ATP6V1H: variants seen among roughly 807,000 people sequenced by gnomAD.
ATP6V1H encodes ATPase H+ transporting V1 subunit H, also known as V-type proton ATPase subunit H.
Under a neutral mutation model 71.7 loss-of-function variants are expected in ATP6V1H, and 39 were observed. The observed-to-expected ratio is 0.54, with a 90% confidence interval of 0.42 to 0.71. The LOEUF (loss-of-function observed/expected upper bound fraction) is 0.71, where lower values mean the gene tolerates loss of function less well. Ranked by LOEUF, ATP6V1H falls within the 30% of genes least tolerant of loss-of-function variation. The pLI is 0.00. For synonymous variants in ATP6V1H, 192 were observed against 199.3 expected, an observed-to-expected ratio of 0.96 and a Z score of 0.31; for missense variants, 509 against 594.9, an observed-to-expected ratio of 0.86 and a Z score of 1.50.
At chr8:53,747,784 C>T (rs993966945) in intron 12 of ATP6V1H, among the ~76,000 whole-genome samples, 1 of 151,982 alleles carries the variant, frequency 6.6e-6, no homozygotes, top group Admixed American at 6.6e-5. Context: ...CTCGTGATTC[C>T]CCCTGCCTCA....
intron 11 of ATP6V1H, among the ~76,000 whole-genome samples, chr8:53,760,506 C>CA (rs1482609734): frequency 1.3e-5 from 2 of 152,310 alleles, no homozygotes; most frequent in Admixed American, 1.3e-4. Flanking sequence ...GGCCCTCTTC[C>CA]AAGTGTACTT....
chr8:53,807,447 A>T (rs1391304227), intron 7 of ATP6V1H, among the ~76,000 whole-genome samples: 1 of 152,170 alleles, frequency 6.6e-6, no homozygotes, highest in Non-Finnish European at 1.5e-5. Context: ...CTTAGAAAAA[A>T]AAAAAACTAA....
intron 12 of ATP6V1H, among the ~76,000 whole-genome samples, chr8:53,746,716 C>T (rs1158155780): frequency 6.6e-6 from 1 of 151,954 alleles, no homozygotes; most frequent in Non-Finnish European, 1.5e-5. Flanking sequence ...TCTCAAGATG[C>T]AATTGAAGCA....
intron 12 of ATP6V1H, among the ~76,000 whole-genome samples, chr8:53,745,643 G>C (rs1807575137): frequency 6.6e-6 from 1 of 150,772 alleles, no homozygotes; most frequent in Non-Finnish European, 1.5e-5. Flanking sequence ...TTGTGCTTAG[G>C]AACATTACAC....
intron 12 of ATP6V1H, among the ~76,000 whole-genome samples, chr8:53,753,406 G>A (rs1246745417): frequency 2.0e-5 from 3 of 152,166 alleles, no homozygotes; most frequent in African/African-American, 7.2e-5. Context: ...TTCTTCTTAG[G>A]GAGAGACAGT....
intron 13 of ATP6V1H, among the ~76,000 whole-genome samples, chr8:53,729,094 C>T (rs977230528): frequency 2.6e-5 from 4 of 152,196 alleles, no homozygotes; most frequent in Admixed American, 1.3e-4. Context: ...AGGGCAGAGG[C>T]TGAAAACCTT....
rs1807492641 is a variant in ATP6V1H at position 53,743,616 on chromosome 8, T to C, written c.1352A>G (p.Asn451Ser). The C allele has an allele frequency of 1.2e-6, 2 of 1,613,868 alleles. No homozygotes were observed. Among genetic ancestry groups the C allele is most frequent in the East Asian group, 2.2e-5 (1 of 44,880 alleles). Reference protein sequence around the residue: ...MHHEDQQVRYNALLAVQKLMV... With the variant: ...MHHEDQQVRYSALLAVQKLMV... ...GAGCTTCTGCACGGCCAGCAGAGCA[T>C]TATAGCGGACCTGCTGGTCTTCATG... The change falls in exon 13 of 14, where the codon AAT (asparagine) becomes AGT (serine). Residue 451 changes from asparagine to serine, a missense_variant. This residue lies in a region of ATP6V1H where 212 missense variants were observed against 291.6 expected (regional missense o/e 0.73). Coordinates refer to ENST00000359530, the MANE Select transcript of ATP6V1H (RefSeq NM_015941.4).
intron 13 of ATP6V1H, among the ~76,000 whole-genome samples, chr8:53,740,224 G>A (rs1807364266): frequency 6.6e-6 from 1 of 152,184 alleles, no homozygotes. Flanking sequence ...GATTTCATAA[G>A]TAACATAAAT....
intron 13 of ATP6V1H, among the ~76,000 whole-genome samples, chr8:53,718,165 T>C (rs1407293898): frequency 6.6e-6 from 1 of 152,160 alleles, no homozygotes; most frequent in African/African-American, 2.4e-5. Flanking sequence ...ACTTCACTAA[T>C]ACTTAGCAGA....
At chr8:53,772,386 T>G (rs990842977) in intron 9 of ATP6V1H, among the ~76,000 whole-genome samples, 3 of 152,182 alleles carry the variant, frequency 2.0e-5, no homozygotes, top group African/African-American at 4.8e-5. Context: ...CCTGGATTAC[T>G]AAACATCTTT....
intron 13 of ATP6V1H, among the ~76,000 whole-genome samples, chr8:53,724,230 C>A (rs531691657): frequency 5.3e-5 from 8 of 152,164 alleles, no homozygotes; most frequent in Non-Finnish European, 1.2e-4. Flanking sequence ...CAAGCACAAC[C>A]ACAGCATTCT....
At chr8:53,796,335 C>T (rs1225532529) in intron 8 of ATP6V1H, among the ~76,000 whole-genome samples, 2 of 151,972 alleles carry the variant, frequency 1.3e-5, no homozygotes, top group African/African-American at 4.8e-5. Context: ...GATCAAAAAC[C>T]TCAGTTTGAT....
At chr8:53,812,634 G>A (rs1810313592) in intron 6 of ATP6V1H, among the ~76,000 whole-genome samples, 1 of 152,170 alleles carries the variant, frequency 6.6e-6, no homozygotes, top group South Asian at 2.1e-4. Flanking sequence ...CAGCTACAGA[G>A]CCTTATTACC....
chr8:53,755,087 G>A (rs1468068405), intron 12 of ATP6V1H, among the ~76,000 whole-genome samples: 5 of 152,186 alleles, frequency 3.3e-5, no homozygotes, highest in Admixed American at 2.0e-4. Context: ...CTCGCAGTGG[G>A]TGACAGGCCC....
Position 53,834,364 on chromosome 8 carries a change from A to G in ATP6V1H, c.114-1278T>C, listed in dbSNP as rs147293357. Among the ~76,000 whole-genome samples, 344 of 152,360 alleles carry G rather than the reference A, an allele frequency of 2.3e-3. 2 individuals carry two copies. Among genetic ancestry groups the G allele is most frequent in the African/African-American group, 7.9e-3 (327 of 41,592 alleles). The stretch of plus-strand genomic sequence containing the variant: ...TTAGAACATGGGTAAAAGCAAGTGT[A>G]AAATTAAAAATTTTTGTAATCTATT... On this transcript the variant is annotated intron_variant, in intron 2 of 13. Transcript: ENST00000359530.
At chr8:53,777,098 A>G (rs547027363) in intron 9 of ATP6V1H, among the ~76,000 whole-genome samples, 90 of 152,348 alleles carry the variant, frequency 5.9e-4, no homozygotes, top group East Asian at 1.2e-3. Context: ...AAGGTCTAAC[A>G]TAAGTGGAAT....
In ATP6V1H at chr8:53,833,025, G is replaced by A; in HGVS notation, c.175C>T (p.Pro59Ser). Residue 59 changes from proline to serine, a missense_variant, in exon 3 of 14, where the codon CCT becomes TCT. By Grantham distance (74) the Pro-to-Ser change is moderately conservative. Transcript: ENST00000359530. Reference sequence around the variant, plus strand: ...TGAAGCATCTCTTGCTTCTCTTCAGGGCTTCGTTTCATTTCAAACCTCTGA... The same window carrying A: ...TGAAGCATCTCTTGCTTCTCTTCAGAGCTTCGTTTCATTTCAAACCTCTGA... The part of the protein sequence containing the change: ...FIQRFEMKRS[P>S]EEKQEMLQTE... 1 of 1,613,356 alleles carries A rather than the reference G, an allele frequency of 6.2e-7. No individual in the cohort carries two copies. Among genetic ancestry groups the A allele is most frequent in the Non-Finnish European group, 8.5e-7 (1 of 1,179,674 alleles).
intron 12 of ATP6V1H, among the ~76,000 whole-genome samples, chr8:53,753,151 T>C (rs928531696): frequency 6.6e-6 from 1 of 150,950 alleles, no homozygotes; most frequent in African/African-American, 2.4e-5. Context: ...TGAAAACATA[T>C]CTCAAAGCAG....
chr8:53,841,643 G>C lies in ATP6V1H; in HGVS notation c.48C>G (p.Thr16=), dbSNP rs1811345961. 1.2e-6 allele frequency: 2 copies of C among 1,613,976 alleles called. No homozygotes were observed. Among genetic ancestry groups the C allele is most frequent in the Admixed American group, 3.3e-5 (2 of 59,998 alleles). ...IRGAVDAAVP[T]NIIAAKAAEV... ...CTGCAGCCTTGGCAGCAATAATATT[G>C]GTGGGGACAGCAGCATCCACAGCAC... Residue 16 remains threonine, a synonymous_variant, in exon 2 of 14, where the codon ACC becomes ACG. Coordinates refer to ENST00000359530, the MANE Select transcript of ATP6V1H (RefSeq NM_015941.4).
Sources: allele counts gnomAD v4.1 joint callset (sites outside exome capture counted in the v4.1 genomes callset), GRCh38; gene constraint gnomAD v4.1.1; regional missense constraint gnomAD v4.1.1; transcripts MANE v1.5; gene names NCBI Gene and HGNC (gene_info 2026-07-23, HGNC 2026-07-21).